HS1BP3: variants seen among roughly 807,000 people sequenced by gnomAD.
The protein encoded by HS1BP3 is HCLS1-binding protein 3.
Under a neutral mutation model 33.5 loss-of-function variants are expected in HS1BP3, and 32 were observed. That is an observed-to-expected ratio of 0.95 (90% confidence interval 0.72 to 1.28). The LOEUF is 1.28. Among genes scored for constraint, HS1BP3 ranks in the 50% most tolerant of loss-of-function variants. The pLI is 0.00. For synonymous variants in HS1BP3, 187 were observed against 209.2 expected (o/e 0.89, Z 0.92); for missense variants, 486 against 502.3 (o/e 0.97, Z 0.31).
chr2:20,590,781 T>C (rs975131835), downstream of HS1BP3: 2 of 163,094 alleles, frequency 1.2e-5, no homozygotes, highest in Non-Finnish European at 2.9e-5. Flanking sequence ...GCAATCCTTG[T>C]TGGGACCCTG....
intron 5 of HS1BP3, 151 bp from the exon 6 acceptor site, chr2:20,624,182 T>C (rs2149291866): frequency 9.5e-7 from 1 of 1,049,218 alleles, no homozygotes; most frequent in Non-Finnish European, 1.3e-6. Flanking sequence ...TGCTGCTTTG[T>C]AACTGTCAGG....
chr2:20,607,283 G>A (rs1177048737), intron 2 of HS1BP3, among the ~76,000 whole-genome samples: 1 of 152,068 alleles, frequency 6.6e-6, no homozygotes, highest in Non-Finnish European at 1.5e-5. Flanking sequence ...GGCCTCCTGA[G>A]TAGCTGGAGT....
intron 5 of HS1BP3, among the ~76,000 whole-genome samples, chr2:20,561,715 G>T (rs1693002213): frequency 6.6e-6 from 1 of 152,180 alleles, no homozygotes. Context: ...GATGTAATAA[G>T]AAATATATAT....
In HS1BP3 at chr2:20,611,875, G is replaced by T. The variant is rs1008116653; in HGVS notation, c.178+12021C>A. Among the ~76,000 whole-genome samples the T allele has an allele frequency of 3.3e-5, 5 of 152,126 alleles. No homozygotes were observed. Among genetic ancestry groups the T allele is most frequent in the Non-Finnish European group, 7.4e-5 (5 of 68,014 alleles). On this transcript the variant is annotated intron_variant, in intron 2 of 3. Coordinates refer to the HS1BP3 transcript ENST00000415264. This position sits in a 1 kb window ranked among gnomAD's most constrained non-coding sequence, Gnocchi z 4.9. ...GCAGAGGGTGGCACAGCCTCCTCCC[G>T]CACCTACAACCACCCTCCATGGAGA...
At chr2:20,634,328 A>C (rs1695055976) in intron 4 of HS1BP3, among the ~76,000 whole-genome samples, 1 of 152,246 alleles carries the variant, frequency 6.6e-6, no homozygotes, top group African/African-American at 2.4e-5. Context: ...AGCTTGTTAA[A>C]ACACAGATTC....
intron 5 of HS1BP3, among the ~76,000 whole-genome samples, chr2:20,585,367 C>T (rs912143243): frequency 2.0e-5 from 3 of 150,960 alleles, no homozygotes; most frequent in African/African-American, 7.4e-5. Flanking sequence ...AACAGTGCCT[C>T]CTTTTACTCT....
At chr2:20,623,685 A>G in intron 6 of HS1BP3, 3 of 465,100 alleles carry the variant, frequency 6.5e-6, no homozygotes, top group Non-Finnish European at 1.1e-5. Flanking sequence ...CTCTTTCTGG[A>G]ACTAGCTGAG....
intron 1 of HS1BP3, among the ~76,000 whole-genome samples, chr2:20,647,322 C>T (rs1203643200): frequency 6.6e-6 from 1 of 152,194 alleles, no homozygotes; most frequent in Non-Finnish European, 1.5e-5. Context: ...GCTGAGCTGG[C>T]CTGGTCAAAG....
chr2:20,583,174 G>T (rs1361166252), intron 5 of HS1BP3, among the ~76,000 whole-genome samples: 1 of 152,246 alleles, frequency 6.6e-6, no homozygotes, highest in African/African-American at 2.4e-5. Flanking sequence ...GCTGTCCTGA[G>T]CTGAGTTTCT....
intron 5 of HS1BP3, among the ~76,000 whole-genome samples, chr2:20,578,275 C>T (rs193144038): frequency 2.6e-5 from 4 of 152,154 alleles, no homozygotes; most frequent in East Asian, 1.9e-4. Flanking sequence ...CCCTCAGAGG[C>T]GGGATGGGAT....
intron 2 of HS1BP3, among the ~76,000 whole-genome samples, chr2:20,600,649 T>G (rs2149282687): frequency 6.6e-6 from 1 of 152,348 alleles, no homozygotes; most frequent in East Asian, 1.9e-4. Flanking sequence ...CCTCATGATA[T>G]GTGGAAACAA....
In HS1BP3 at chr2:20,624,050, A is replaced by AG; in HGVS notation, c.785-20dup. 2.5e-6 allele frequency: 4 copies of AG among 1,609,526 alleles called. No individual in the cohort carries two copies. Among genetic ancestry groups the AG allele is most frequent in the Middle Eastern group, 2.0e-4 (1 of 4,968 alleles). On this transcript the variant is annotated intron_variant, in intron 5 of 6. Transcript: ENST00000304031. Reference sequence around the variant, plus strand: ...TTCAGGGCTGTGGGAAGGCAGCAGCAGGGGGGTCAGAGGAAGCCTCTAGGC... The same window carrying AG: ...TTCAGGGCTGTGGGAAGGCAGCAGCAGGGGGGGTCAGAGGAAGCCTCTAGGC...
chr2:20,559,563 G>A (rs1692930047), downstream of HS1BP3, among the ~76,000 whole-genome samples: 1 of 151,096 alleles, frequency 6.6e-6, no homozygotes, highest in African/African-American at 2.4e-5. Context: ...GATGAATGGA[G>A]GTGGATGGGT....
intron 3 of HS1BP3, among the ~76,000 whole-genome samples, chr2:20,597,458 C>T (rs1465771548): frequency 6.6e-6 from 1 of 152,174 alleles, no homozygotes; most frequent in African/African-American, 2.4e-5. Context: ...CAAGCCTTCA[C>T]CTTCCACGTT....
chr2:20,638,384 C>T, intron 4 of HS1BP3, 52 bp downstream of exon 4: 1 of 1,544,890 alleles, frequency 6.5e-7, no homozygotes, highest in Non-Finnish European at 8.9e-7. Context: ...GACGTCATCT[C>T]CAGAAAGCCT....
chr2:20,553,956 G>A, the HS1BP3 span, among the ~76,000 whole-genome samples: 2 of 152,188 alleles, frequency 1.3e-5, no homozygotes, highest in Non-Finnish European at 2.9e-5. Flanking sequence ...CTGGGCCAGG[G>A]ATGAAGGACG....
chr2:20,642,749 G>C (rs1695396796), intron 2 of HS1BP3, among the ~76,000 whole-genome samples: 1 of 152,216 alleles, frequency 6.6e-6, no homozygotes, highest in Non-Finnish European at 1.5e-5. Flanking sequence ...TTCTTGGGTG[G>C]GCATCTGCAC....
At chr2:20,606,979 A>AG (rs1553318554) in intron 2 of HS1BP3, among the ~76,000 whole-genome samples, 2 of 149,684 alleles carry the variant, frequency 1.3e-5, no homozygotes, top group Non-Finnish European at 3.0e-5. Context: ...TTATCTTTTT[A>AG]TTTTTTTTTG....
intron 5 of HS1BP3, among the ~76,000 whole-genome samples, chr2:20,572,770 C>G (rs1448550390): frequency 6.6e-6 from 1 of 152,176 alleles, no homozygotes; most frequent in Non-Finnish European, 1.5e-5. Flanking sequence ...CTGTCCTTCC[C>G]ATCTGTTTGG....
Sources: gnomAD v4.1 joint callset for allele counts (sites outside exome capture counted in the v4.1 genomes callset) on GRCh38, gnomAD v4.1.1 for gene constraint, Gnocchi (gnomAD v3.1) non-coding constraint, MANE v1.5 for transcripts, NCBI Gene and HGNC (gene_info 2026-07-23, HGNC 2026-07-21) for gene names.